Variants in FSTL5 observed in about 807,000 individuals in gnomAD.
FSTL5 encodes follistatin like 5.
FSTL5 carries 62 observed loss-of-function variants against 89.1 expected under a neutral mutation model. That is an observed-to-expected ratio of 0.70 (90% CI 0.57 to 0.86). The LOEUF is 0.86. FSTL5 is among the 40% of genes least tolerant of loss of function. The pLI is 0.00. For synonymous variants in FSTL5, 383 were observed against 346.2 expected, an observed-to-expected ratio of 1.11 and a Z score of -1.18; for missense variants, 1,057 against 1,001.6, an observed-to-expected ratio of 1.06 and a Z score of -0.75.
At chr4:162,142,379 C>T (rs1732784557) in intron 1 of FSTL5, among the ~76,000 whole-genome samples, 1 of 152,182 alleles carries the variant, frequency 6.6e-6, no homozygotes. Context: ...TAAATTATTG[C>T]TGACCTTGAT....
chr4:161,484,473 A>C (rs1729613547), intron 12 of FSTL5, among the ~76,000 whole-genome samples: 1 of 152,150 alleles, frequency 6.6e-6, no homozygotes, highest in Non-Finnish European at 1.5e-5. Flanking sequence ...TTGCCCCATA[A>C]ATTTAAGAAA....
chr4:161,533,522 G>C (rs1203424510), intron 10 of FSTL5, among the ~76,000 whole-genome samples: 2 of 152,036 alleles, frequency 1.3e-5, no homozygotes, highest in African/African-American at 4.8e-5. Context: ...GATTGAACAA[G>C]AAGGAAAGTG....
chr4:162,050,752 G>T (rs1738352544), intron 2 of FSTL5, among the ~76,000 whole-genome samples: 2 of 151,318 alleles, frequency 1.3e-5, no homozygotes, highest in South Asian at 2.1e-4. Flanking sequence ...GGGGTTGGGG[G>T]AGTAGAAAAC....
intron 6 of FSTL5, among the ~76,000 whole-genome samples, chr4:161,685,672 A>C (rs1409259453): frequency 2.0e-5 from 3 of 152,084 alleles, no homozygotes; most frequent in Non-Finnish European, 4.4e-5. Flanking sequence ...AAGAGCCTTT[A>C]GTTTTCTTGG....
chr4:161,468,680 T>A (rs942015252), intron 13 of FSTL5, among the ~76,000 whole-genome samples: 1 of 152,174 alleles, frequency 6.6e-6, no homozygotes, highest in African/African-American at 2.4e-5. Context: ...GATTTCTTCT[T>A]GTGTTTCATG....
At chr4:161,631,043 T>A (rs1735486623) in intron 7 of FSTL5, among the ~76,000 whole-genome samples, 3 of 152,214 alleles carry the variant, frequency 2.0e-5, no homozygotes, top group African/African-American at 7.2e-5. Context: ...TTATATGCCA[T>A]GTTAATTGAT....
intron 4 of FSTL5, among the ~76,000 whole-genome samples, chr4:161,852,628 T>A (rs897030228): frequency 6.6e-6 from 1 of 152,170 alleles, no homozygotes; most frequent in African/African-American, 2.4e-5. Context: ...CTCAAAAGAA[T>A]ATAAATCATT....
intron 15 of FSTL5, among the ~76,000 whole-genome samples, chr4:161,453,382 A>C (rs1369728441): frequency 1.3e-5 from 2 of 152,168 alleles, no homozygotes; most frequent in African/African-American, 4.8e-5. Context: ...TATTAGTCAT[A>C]ACACCAATTG....
chr4:161,421,365 T>A (rs1470098370), intron 15 of FSTL5, among the ~76,000 whole-genome samples: 2 of 151,026 alleles, frequency 1.3e-5, no homozygotes. Context: ...AAGTACTCAG[T>A]AGATAGCCTA....
At chr4:161,771,346 A>C (rs1184904745) in intron 5 of FSTL5, among the ~76,000 whole-genome samples, 1 of 152,128 alleles carries the variant, frequency 6.6e-6, no homozygotes, top group Non-Finnish European at 1.5e-5. Context: ...ATAAGCTTGC[A>C]TGTTCTAAAT....
chr4:161,864,764 C>T (rs1003701386), intron 4 of FSTL5, among the ~76,000 whole-genome samples: 5 of 148,448 alleles, frequency 3.4e-5, no homozygotes, highest in African/African-American at 7.4e-5. Context: ...CCCAGTTACT[C>T]GGGAGGCCGA....
At chr4:161,524,238 A>G (rs1012303207) in intron 10 of FSTL5, among the ~76,000 whole-genome samples, 1 of 152,172 alleles carries the variant, frequency 6.6e-6, no homozygotes, top group Non-Finnish European at 1.5e-5. Context: ...AAATTTACCT[A>G]TATAGCCTGG....
Position 161,433,060 on chromosome 4 carries a change from C to A in FSTL5, c.1841+21944G>T, listed in dbSNP as rs149782855. On this transcript the variant is annotated intron_variant, in intron 15 of 15. Coordinates refer to ENST00000306100, the MANE Select transcript of FSTL5 (RefSeq NM_020116.5). ...CCAATCAATAGATGAGAAAATAATTCTAAACTCATTCTATAAGGCCAGCAT... is the reference window on the plus strand; with the variant it reads ...CCAATCAATAGATGAGAAAATAATTATAAACTCATTCTATAAGGCCAGCAT... 7.9e-5 allele frequency among the ~76,000 whole-genome samples: 12 copies of A among 151,292 alleles called. No individual in the cohort carries two copies. The East Asian group carries it at 2.1e-3, about 27-fold the overall frequency.
intron 4 of FSTL5, among the ~76,000 whole-genome samples, chr4:161,824,095 G>A (rs1175611851): frequency 6.6e-6 from 1 of 152,160 alleles, no homozygotes; most frequent in Non-Finnish European, 1.5e-5. Flanking sequence ...CTAAGCCAAT[G>A]TCTAGAAGGG....
At chr4:162,022,014 C>T (rs1737106162) in intron 3 of FSTL5, among the ~76,000 whole-genome samples, 1 of 151,454 alleles carries the variant, frequency 6.6e-6, no homozygotes, top group Non-Finnish European at 1.5e-5. Context: ...TTGTTGGAAC[C>T]TGGGAGGCAG....
chr4:161,420,908 T>C (rs1332538134), intron 15 of FSTL5, among the ~76,000 whole-genome samples: 1 of 151,362 alleles, frequency 6.6e-6, no homozygotes, highest in Non-Finnish European at 1.5e-5. Context: ...AATATGTATA[T>C]ATGGTATTGG....
chr4:161,594,226 C>A (rs1042894668), intron 7 of FSTL5, among the ~76,000 whole-genome samples: 5 of 152,148 alleles, frequency 3.3e-5, no homozygotes, highest in African/African-American at 9.6e-5. Flanking sequence ...ACAGAGAATT[C>A]TTTCAACGGA....
intron 1 of FSTL5, among the ~76,000 whole-genome samples, chr4:162,150,813 G>A (rs1262246827): frequency 6.6e-6 from 1 of 152,110 alleles, no homozygotes; most frequent in Non-Finnish European, 1.5e-5. Flanking sequence ...CTGGGGAAAT[G>A]TTATAATAAT....
intron 4 of FSTL5, among the ~76,000 whole-genome samples, chr4:161,779,744 G>GGATTATTT (rs11281968): frequency 0.66 from 34,643 of 52,202 alleles, 12,847 homozygotes; most frequent in Non-Finnish European, 0.72. Context: ...ATTTGTCCAA[G>GGATTATTT]GATTATTTGT....
Sources: allele counts gnomAD v4.1 joint callset (sites outside exome capture counted in the v4.1 genomes callset), GRCh38; gene constraint gnomAD v4.1.1; transcripts MANE v1.5; gene names NCBI Gene and HGNC (gene_info 2026-07-23, HGNC 2026-07-21).